SPMIP2: variants seen among roughly 807,000 people sequenced by gnomAD.
SPMIP2 encodes the protein protein SPMIP2.
the SPMIP2 span, chr4:159,035,188 T>A: frequency 2.0e-6 from 2 of 1,011,410 alleles, no homozygotes; most frequent in African/African-American, 3.2e-5. Context: ...CTCTGCAGTC[T>A]TTCCTCTCCC....
chr4:159,044,660 G>A, the SPMIP2 span, among the ~76,000 whole-genome samples: 112 of 152,268 alleles, frequency 7.4e-4, no homozygotes, highest in African/African-American at 2.7e-3. Flanking sequence ...AGGGGAGTTC[G>A]TGAGGGTTTT....
the SPMIP2 span, among the ~76,000 whole-genome samples, chr4:158,990,584 G>A: frequency 5.0e-3 from 764 of 152,282 alleles, 8 homozygotes; most frequent in Middle Eastern, 0.044. Flanking sequence ...GTTCTTTGCA[G>A]GGACATGGAT....
the SPMIP2 span, chr4:158,909,448 A>T: frequency 6.6e-5 from 10 of 152,066 alleles, no homozygotes; most frequent in African/African-American, 2.4e-4. Flanking sequence ...TGCCATTGAT[A>T]AAAGGAGTTA....
the SPMIP2 span, among the ~76,000 whole-genome samples, chr4:158,977,600 CTTTTTTTTTTTTTTT>C: frequency 1.4e-5 from 1 of 72,386 alleles, no homozygotes. Context: ...TCCTTCAGTT[CTTTTTTTTTTTTTTT>C]TTTTTTTTTT....
At chr4:159,071,308 C>A in the SPMIP2 span, among the ~76,000 whole-genome samples, 29 of 152,164 alleles carry the variant, frequency 1.9e-4, no homozygotes, top group African/African-American at 6.0e-4. Flanking sequence ...TTCAGAGAAT[C>A]CTAAAAGGTG....
the SPMIP2 span, among the ~76,000 whole-genome samples, chr4:158,938,947 C>T: frequency 6.6e-6 from 1 of 152,102 alleles, no homozygotes; most frequent in Admixed American, 6.6e-5. Context: ...GAATATAATT[C>T]CCGGTGTTCC....
the SPMIP2 span, among the ~76,000 whole-genome samples, chr4:158,981,828 A>AGAG: frequency 7.4e-6 from 1 of 135,116 alleles, no homozygotes; most frequent in Non-Finnish European, 1.6e-5. Flanking sequence ...AAAAAAAAAA[A>AGAG]AAAAAGAGCT....
the SPMIP2 span, among the ~76,000 whole-genome samples, chr4:158,952,668 A>C: frequency 6.6e-6 from 1 of 152,204 alleles, no homozygotes; most frequent in African/African-American, 2.4e-5. Context: ...CCTCAGAAGA[A>C]GACAGGAAAA....
At chr4:158,977,034 A>G in the SPMIP2 span, among the ~76,000 whole-genome samples, 3 of 152,166 alleles carry the variant, frequency 2.0e-5, no homozygotes, top group East Asian at 1.9e-4. Context: ...GATGTTCATC[A>G]GGGATATTGG....
chr4:158,964,924 A>G, the SPMIP2 span, among the ~76,000 whole-genome samples: 1 of 152,108 alleles, frequency 6.6e-6, no homozygotes, highest in Non-Finnish European at 1.5e-5. Context: ...CCACCCCCAC[A>G]ATCCAACTAC....
At chr4:159,000,119 A>G in the SPMIP2 span, among the ~76,000 whole-genome samples, 1 of 152,222 alleles carries the variant, frequency 6.6e-6, no homozygotes, top group African/African-American at 2.4e-5. Flanking sequence ...ACATATATGT[A>G]CACACATGAA....
chr4:159,031,805 G>A, the SPMIP2 span, among the ~76,000 whole-genome samples: 1 of 152,148 alleles, frequency 6.6e-6, no homozygotes, highest in African/African-American at 2.4e-5. Flanking sequence ...GTTGAATATG[G>A]GTGACAGGTA....
the SPMIP2 span, among the ~76,000 whole-genome samples, chr4:158,919,161 C>T: frequency 6.6e-6 from 1 of 152,050 alleles, no homozygotes; most frequent in African/African-American, 2.4e-5. Context: ...TGTGTAATTC[C>T]CACAAACAAG....
the SPMIP2 span, chr4:158,960,453 G>A: frequency 1.6e-6 from 1 of 611,840 alleles, no homozygotes; most frequent in Non-Finnish European, 2.9e-6. Flanking sequence ...AAATGAAATA[G>A]AAAATGCTAA....
chr4:158,904,105 A>C, the SPMIP2 span, among the ~76,000 whole-genome samples: 73 of 152,348 alleles, frequency 4.8e-4, no homozygotes, highest in African/African-American at 1.7e-3. Context: ...GTTGACTGGA[A>C]GAATGAGTTT....
the SPMIP2 span, chr4:158,905,122 T>C: frequency 3.3e-5 from 5 of 152,466 alleles, no homozygotes; most frequent in African/African-American, 1.2e-4. Context: ...ACATAAAACA[T>C]GTAAGAATTG....
the SPMIP2 span, among the ~76,000 whole-genome samples, chr4:159,072,472 T>TGGAGA: frequency 1.1e-5 from 1 of 92,624 alleles, no homozygotes; most frequent in East Asian, 2.6e-4. Context: ...TTTTTTTTTT[T>TGGAGA]TGGAGATAGG....
the SPMIP2 span, among the ~76,000 whole-genome samples, chr4:158,964,687 C>T: frequency 1.3e-5 from 2 of 152,218 alleles, no homozygotes; most frequent in Non-Finnish European, 2.9e-5. Context: ...CGTGTTCACA[C>T]TGCTGTGAAA....
chr4:159,053,309 T>C, the SPMIP2 span, among the ~76,000 whole-genome samples: 1 of 152,232 alleles, frequency 6.6e-6, no homozygotes. Context: ...ACATGGCTGC[T>C]AGTTTTTCTG....
Sources: allele counts gnomAD v4.1 joint callset (sites outside exome capture counted in the v4.1 genomes callset), GRCh38; gene constraint gnomAD v4.1.1; transcripts MANE v1.5; gene names NCBI Gene and HGNC (gene_info 2026-07-23, HGNC 2026-07-21).